Variants in MICAL3 observed in about 807,000 individuals in gnomAD.
The protein encoded by MICAL3 is microtubule associated monooxygenase, calponin and LIM domain containing 3, also known as [F-actin]-monooxygenase MICAL3.
A neutral mutation model predicts 207.4 loss-of-function variants in MICAL3; 62 were observed. That is an observed-to-expected ratio of 0.30 (90% CI 0.24 to 0.37). The LOEUF (loss-of-function observed/expected upper bound fraction) is 0.37. Ranked by LOEUF, MICAL3 falls within the 10% of genes least tolerant of loss-of-function variation. MICAL3 has a pLI of 1.00. For synonymous variants in MICAL3, 1,077 were observed against 1,069.3 expected, an observed-to-expected ratio of 1.01 and a Z score of -0.14; for missense variants, 2,368 against 2,635.6, an observed-to-expected ratio of 0.90 and a Z score of 2.22.
At chr22:17,820,176 T>C (rs1029217561) in intron 25 of MICAL3, among the ~76,000 whole-genome samples, 7 of 150,484 alleles carry the variant, frequency 4.7e-5, no homozygotes, top group African/African-American at 9.8e-5. Context: ...AATAGTTCCA[T>C]GCTTCCTAGA....
chr22:17,877,914 G>A (rs528098700), intron 16 of MICAL3, among the ~76,000 whole-genome samples: 132 of 151,850 alleles, frequency 8.7e-4, no homozygotes, highest in Non-Finnish European at 1.6e-3. Flanking sequence ...GTGCAGTGGC[G>A]CGATCTTGGC....
intron 1 of MICAL3, among the ~76,000 whole-genome samples, chr22:17,962,857 C>T (rs1934973914): frequency 6.6e-6 from 1 of 152,104 alleles, no homozygotes; most frequent in African/African-American, 2.4e-5. Context: ...GTTTTGAACT[C>T]CTGGCCTCAA....
In MICAL3 at chr22:17,871,909, G is replaced by A. The variant is rs780610274; in HGVS notation, c.2356C>T (p.Arg786Trp). The A allele has an allele frequency of 1.9e-6, 3 of 1,611,630 alleles. No individual in the cohort carries two copies. Among genetic ancestry groups the A allele is most frequent in the East Asian group, 2.2e-5 (1 of 44,812 alleles). Residue 786 changes from arginine (R) to tryptophan (W), a missense_variant, in exon 17 of 32, where the codon CGG becomes TGG. Physicochemically the swap from Arg to Trp is moderately radical, Grantham distance 101. Coordinates refer to ENST00000441493, the MANE Select transcript of MICAL3 (RefSeq NM_015241.3). Reference protein sequence around the residue: ...RLSAEGKFFHRSCFKCEYCAT... With the variant: ...RLSAEGKFFHWSCFKCEYCAT... ...CAGTACTCGCACTTGAAGCAGCTCC[G>A]GTGGAAGAACTTGCCCTCGGCACTC...
At position 17,817,595 on chromosome 22, in the gene MICAL3, G is replaced by A; in HGVS notation, c.5066C>T (p.Ser1689Phe). The change falls in exon 26 of 32, where the codon TCC becomes TTC. Residue 1689 changes from serine to phenylalanine, a missense_variant. Physicochemically the swap from Ser to Phe is radical, Grantham distance 155. Around this residue, in one of 4 missense-constraint regions of MICAL3, gnomAD observed 1,770 missense variants for 1,863.2 expected, o/e 0.95. Transcript: ENST00000441493. Reference protein sequence around the residue: ...SGGPDGSFTSSEGSSGKSKKR... With the variant: ...SGGPDGSFTSFEGSSGKSKKR... ...CTTGCTCTTCCCACTGGAGCCCTCG[G>A]ATGAAGTGAAAGAGCCATCTGGGCC... 6.2e-7 allele frequency: 1 copy of A among 1,613,340 alleles called. No homozygotes were observed. Among genetic ancestry groups the A allele is most frequent in the South Asian group, 1.1e-5 (1 of 91,058 alleles).
At chr22:17,840,074 T>C (rs1923855208) in intron 20 of MICAL3, 1 of 151,420 alleles carries the variant, frequency 6.6e-6, no homozygotes, top group Non-Finnish European at 1.5e-5. Context: ...CTTTATTTTA[T>C]TTTTTGATTT....
At chr22:17,807,625 C>A (rs539009395) in intron 29 of MICAL3, among the ~76,000 whole-genome samples, 14 of 152,274 alleles carry the variant, frequency 9.2e-5, no homozygotes, top group Middle Eastern at 3.4e-3. Flanking sequence ...ATTTCCAGGC[C>A]TTAAAGGGCC....
chr22:17,881,588 G>A (rs1207586921), intron 16 of MICAL3, among the ~76,000 whole-genome samples: 1 of 152,166 alleles, frequency 6.6e-6, no homozygotes, highest in Non-Finnish European at 1.5e-5. Context: ...GGAAGTTGGG[G>A]ATACAAGAAA....
intron 1 of MICAL3, among the ~76,000 whole-genome samples, chr22:17,966,081 G>A (rs1266782893): frequency 6.6e-6 from 1 of 152,188 alleles, no homozygotes; most frequent in Non-Finnish European, 1.5e-5. Context: ...TGCCATGCAG[G>A]ATCTGCCATC....
At chr22:17,836,109 C>T (rs1479416096) in intron 20 of MICAL3, among the ~76,000 whole-genome samples, 2 of 152,238 alleles carry the variant, frequency 1.3e-5, no homozygotes, top group African/African-American at 4.8e-5. Context: ...CAGCTGTCTT[C>T]TCACTGAGAC....
At chr22:17,888,979 G>T (rs1156572930) in intron 13 of MICAL3, 55 bp downstream of exon 13, 4 of 1,300,382 alleles carry the variant, frequency 3.1e-6, no homozygotes, top group Non-Finnish European at 4.3e-6. Flanking sequence ...AGGAAGAACA[G>T]CCGGGCCACA....
chr22:17,995,725 T>G (rs1197638612), intron 1 of MICAL3, among the ~76,000 whole-genome samples: 1 of 151,980 alleles, frequency 6.6e-6, no homozygotes, highest in East Asian at 1.9e-4. Flanking sequence ...GCCAGGCTGG[T>G]CTGGAACTCC....
At chr22:17,909,530 A>G (rs1931977051) in intron 1 of MICAL3, among the ~76,000 whole-genome samples, 1 of 152,244 alleles carries the variant, frequency 6.6e-6, no homozygotes, top group Admixed American at 6.5e-5. Flanking sequence ...GTCTCAAAAC[A>G]AAACAAAACA....
chr22:17,893,570 C>G lies in MICAL3; in HGVS notation c.1546+238G>C, dbSNP rs113008422. On this transcript the variant is annotated intron_variant, in intron 11 of 31. Coordinates refer to ENST00000441493, the MANE Select transcript of MICAL3 (RefSeq NM_015241.3). The stretch of plus-strand genomic sequence containing the variant: ...CCGTGTGGTGGAGGCCTGTCTCGTG[C>G]ACTGCGGGATGTTCAGCAGCATCCC... 4.0e-4 allele frequency among the ~76,000 whole-genome samples: 61 copies of G among 152,282 alleles called. 1 individual carries two copies. Among genetic ancestry groups the G allele is most frequent in the Admixed American group, 1.3e-4 (2 of 15,300 alleles).
At position 17,802,624 on chromosome 22, in the gene MICAL3, T is replaced by C. The variant is rs551534799; in HGVS notation, c.5650+6220A>G. ...GCAACAGTCTCTCTTCCCAGGGAGGTGAGAGCCCCGCCTTGGACGTGGCAC... is the reference window on the plus strand; with the variant it reads ...GCAACAGTCTCTCTTCCCAGGGAGGCGAGAGCCCCGCCTTGGACGTGGCAC... On this transcript the variant is annotated intron_variant, in intron 29 of 31. Transcript: ENST00000441493. 3.3e-5 allele frequency among the ~76,000 whole-genome samples: 5 copies of C among 152,132 alleles called. No individual in the cohort carries two copies. The South Asian group carries it at 6.2e-4, about 19-fold the overall frequency.
At chr22:17,997,498 A>AG (rs1268618456) in intron 1 of MICAL3, among the ~76,000 whole-genome samples, 2 of 152,192 alleles carry the variant, frequency 1.3e-5, no homozygotes, top group Non-Finnish European at 2.9e-5. Flanking sequence ...GAATGTGAAA[A>AG]TTGTACTGCA....
chr22:17,821,299 G>A, intron 25 of MICAL3, 128 bp downstream of exon 25: 1 of 719,988 alleles, frequency 1.4e-6, no homozygotes, highest in Non-Finnish European at 2.2e-6. Flanking sequence ...AGAATGAGGA[G>A]GCCAGCAGGC....
chr22:17,793,493 G>C lies in MICAL3; in HGVS notation c.5651-2192C>G, dbSNP rs901728677. ...GGCCAGCCAATGCTGCAGCCCTGAAGGACCCAGACCTGGAGGCTCTCTGGC... is the reference window on the plus strand; with the variant it reads ...GGCCAGCCAATGCTGCAGCCCTGAACGACCCAGACCTGGAGGCTCTCTGGC... On this transcript the variant is annotated intron_variant, in intron 29 of 31. Coordinates refer to ENST00000441493, the MANE Select transcript of MICAL3 (RefSeq NM_015241.3). The surrounding 1 kb of genome is among the most constrained non-coding windows in gnomAD (Gnocchi z 4.1). 1.3e-5 allele frequency among the ~76,000 whole-genome samples: 2 copies of C among 152,202 alleles called. No individual in the cohort carries two copies. The highest frequency in any genetic ancestry group is 2.9e-5 in the Non-Finnish European group (2 of 68,040).
chr22:17,903,336 T>C (rs1422613007), intron 3 of MICAL3, among the ~76,000 whole-genome samples: 1 of 152,228 alleles, frequency 6.6e-6, no homozygotes, highest in African/African-American at 2.4e-5. Flanking sequence ...CTTATTTTCA[T>C]AGTGAGACTG....
rs1395493954 is a variant in MICAL3 at position 17,817,308 on chromosome 22, C to T, written c.5350+3G>A. On this transcript the variant is annotated splice_donor_region_variant and intron_variant, in intron 26 of 31. Transcript: ENST00000441493. Reference sequence around the variant, plus strand: ...CTGCACGCGGACCCGGCTGCTGACGCACCTGCCCTTACGACGGGAAGCACC... The same window carrying T: ...CTGCACGCGGACCCGGCTGCTGACGTACCTGCCCTTACGACGGGAAGCACC... 6.3e-7 allele frequency: 1 copy of T among 1,588,674 alleles called. No individual in the cohort carries two copies. The highest frequency in any genetic ancestry group is 2.3e-5 in the East Asian group (1 of 43,616).
Sources: allele counts gnomAD v4.1 joint callset (sites outside exome capture counted in the v4.1 genomes callset), GRCh38; gene constraint gnomAD v4.1.1; regional missense constraint gnomAD v4.1.1; non-coding constraint Gnocchi (gnomAD v3.1); transcripts MANE v1.5; gene names NCBI Gene and HGNC (gene_info 2026-07-23, HGNC 2026-07-21).